PCDH7: variants seen among roughly 807,000 people sequenced by gnomAD.
PCDH7 encodes the protein protocadherin 7.
In PCDH7, 17 loss-of-function variants were observed where a neutral mutation model predicts 58.9. The observed-to-expected ratio is 0.29, with a 90% confidence interval of 0.20 to 0.43. The LOEUF (loss-of-function observed/expected upper bound fraction) is 0.43. Ranked by LOEUF, PCDH7 falls within the 20% of genes least tolerant of loss-of-function variation. The pLI is 1.00. For synonymous variants in PCDH7, 664 were observed against 616.4 expected (o/e 1.08, Z -1.14); for missense variants, 1,274 against 1,441.0 (o/e 0.88, Z 1.88).
At chr4:31,061,553 AAAG>A (rs1038055513) in intron 3 of PCDH7, among the ~76,000 whole-genome samples, 3 of 151,800 alleles carry the variant, frequency 2.0e-5, no homozygotes, top group Admixed American at 1.3e-4. Flanking sequence ...GGAGAAAAAA[AAAG>A]AGTCTCCATG....
At chr4:30,941,418 A>G (rs1287907506) in intron 2 of PCDH7, among the ~76,000 whole-genome samples, 1 of 151,960 alleles carries the variant, frequency 6.6e-6, no homozygotes, top group Admixed American at 6.6e-5. Flanking sequence ...CTTATTCAAG[A>G]CTGAAGCGTT....
chr4:30,889,622 A>T (rs1190087104), intron 1 of PCDH7, among the ~76,000 whole-genome samples: 2 of 152,198 alleles, frequency 1.3e-5, no homozygotes, highest in Non-Finnish European at 2.9e-5. Context: ...TAGAGGCTGG[A>T]AAATTCAAGA....
intron 1 of PCDH7, among the ~76,000 whole-genome samples, chr4:30,808,749 G>T (rs182107200): frequency 2.0e-5 from 3 of 152,228 alleles, no homozygotes; most frequent in Admixed American, 2.0e-4. Flanking sequence ...TTCCATTTGT[G>T]CAGAATTGAG....
chr4:31,038,362 A>T (rs1755583242), intron 3 of PCDH7, among the ~76,000 whole-genome samples: 1 of 152,182 alleles, frequency 6.6e-6, no homozygotes, highest in African/African-American at 2.4e-5. Context: ...ATAAATCAAA[A>T]CATTTATTGA....
intron 3 of PCDH7, among the ~76,000 whole-genome samples, chr4:31,079,652 G>T (rs565862876): frequency 6.6e-6 from 1 of 151,760 alleles, no homozygotes; most frequent in South Asian, 2.1e-4. Flanking sequence ...AGCTGGTAAA[G>T]TTCTAGATAA....
chr4:31,124,944 G>A (rs148718906), intron 3 of PCDH7, among the ~76,000 whole-genome samples: 484 of 152,194 alleles, frequency 3.2e-3, no homozygotes, highest in Non-Finnish European at 4.5e-3. Context: ...TTCTTAGTTT[G>A]GCCCAGCATG....
chr4:30,947,956 G>A (rs532776246), intron 2 of PCDH7, among the ~76,000 whole-genome samples: 13 of 152,116 alleles, frequency 8.5e-5, no homozygotes, highest in African/African-American at 2.7e-4. Flanking sequence ...AGAACATGCG[G>A]TGTTTAACTT....
chr4:31,120,323 G>T (rs1578850416), intron 3 of PCDH7, among the ~76,000 whole-genome samples: 4 of 145,184 alleles, frequency 2.8e-5, no homozygotes, highest in South Asian at 2.2e-4. Context: ...CTTCCTTCTT[G>T]GTTTTTTAAA....
At chr4:30,786,561 G>A (rs1268702678) in intron 1 of PCDH7, among the ~76,000 whole-genome samples, 1 of 151,946 alleles carries the variant, frequency 6.6e-6, no homozygotes, top group Non-Finnish European at 1.5e-5. Context: ...AGTGAGGACT[G>A]TTATGTCTCT....
At chr4:30,855,945 G>T (rs942479596) in intron 1 of PCDH7, among the ~76,000 whole-genome samples, 1 of 152,018 alleles carries the variant, frequency 6.6e-6, no homozygotes, top group Non-Finnish European at 1.5e-5. Context: ...AATGTAAGGG[G>T]CACCGTCTGG....
At chr4:30,746,614 A>G (rs538584488) in intron 1 of PCDH7, among the ~76,000 whole-genome samples, 1 of 152,248 alleles carries the variant, frequency 6.6e-6, no homozygotes, top group Admixed American at 6.5e-5. Flanking sequence ...TCTCTGTGTA[A>G]TTCTCTCAGG....
intron 3 of PCDH7, among the ~76,000 whole-genome samples, chr4:30,961,019 T>G: frequency 6.6e-6 from 1 of 152,196 alleles, no homozygotes; most frequent in South Asian, 2.1e-4. Context: ...AAAGACGTTG[T>G]TGTTATTTGA....
chr4:30,972,644 C>A (rs945588814), intron 3 of PCDH7, among the ~76,000 whole-genome samples: 3 of 152,182 alleles, frequency 2.0e-5, no homozygotes, highest in African/African-American at 7.2e-5. Context: ...AACAAATTAT[C>A]TCTAAAACTC....
intron 1 of PCDH7, among the ~76,000 whole-genome samples, chr4:30,916,103 C>G (rs28752062): frequency 0.083 from 12,602 of 152,106 alleles, 768 homozygotes; most frequent in East Asian, 0.26. Context: ...CCTCGAAACC[C>G]TGGAAAATAA....
chr4:30,789,346 C>T (rs146438536), intron 1 of PCDH7, among the ~76,000 whole-genome samples: 71 of 152,276 alleles, frequency 4.7e-4, no homozygotes, highest in African/African-American at 1.7e-3. Flanking sequence ...GGACTTGGAT[C>T]AGCCTGATTG....
rs1376467298 is a variant in PCDH7 at position 30,859,373 on chromosome 4, T to C, written c.71-60780T>C. Among the ~76,000 whole-genome samples, 3 of 152,246 alleles carry C rather than the reference T, an allele frequency of 2.0e-5. No individual in the cohort carries two copies. In the East Asian group the frequency reaches 5.8e-4, roughly 29 times the overall value. ...TACTGCCCTCTGAGTGTGTGATATTTTGAAAACAATAGCTATTAATTTCAT... is the reference window on the plus strand; with the variant it reads ...TACTGCCCTCTGAGTGTGTGATATTCTGAAAACAATAGCTATTAATTTCAT... On this transcript the variant is annotated intron_variant, in intron 1 of 3. Coordinates refer to the PCDH7 transcript ENST00000509759.
At chr4:30,829,393 G>A (rs886507851) in intron 1 of PCDH7, among the ~76,000 whole-genome samples, 3 of 152,092 alleles carry the variant, frequency 2.0e-5, no homozygotes, top group African/African-American at 7.2e-5. Flanking sequence ...TTACACAAAT[G>A]TGATGTAAAA....
intron 1 of PCDH7, among the ~76,000 whole-genome samples, chr4:30,903,924 T>C (rs1740556720): frequency 6.6e-6 from 1 of 152,168 alleles, no homozygotes; most frequent in African/African-American, 2.4e-5. Context: ...TTTACACTTA[T>C]TAAGCTAACA....
chr4:31,121,370 T>A (rs537979450), intron 3 of PCDH7, among the ~76,000 whole-genome samples: 33 of 152,210 alleles, frequency 2.2e-4, no homozygotes, highest in Non-Finnish European at 4.3e-4. Flanking sequence ...ATAATTTGCT[T>A]CCTTAACTGT....
Sources: gnomAD v4.1 joint callset for allele counts (sites outside exome capture counted in the v4.1 genomes callset) on GRCh38, gnomAD v4.1.1 for gene constraint, MANE v1.5 for transcripts, NCBI Gene and HGNC (gene_info 2026-07-23, HGNC 2026-07-21) for gene names.